The following GPC5 variants were observed in gnomAD, a reference collection of about 807,000 sequenced individuals.
The protein encoded by GPC5 is glypican 5, also known as glypican-5.
In GPC5, 47 loss-of-function variants were observed where a neutral mutation model predicts 53.9. That is an observed-to-expected ratio of 0.87 (90% CI 0.69 to 1.11). The LOEUF (loss-of-function observed/expected upper bound fraction) is 1.11. Among genes scored for constraint, GPC5 ranks in the 50% most tolerant of loss-of-function variants. The pLI, the probability that GPC5 is intolerant of heterozygous loss-of-function variation, is 0.00. For synonymous variants in GPC5, 286 were observed against 263.3 expected, an observed-to-expected ratio of 1.09 and a Z score of -0.84; for missense variants, 748 against 713.1, an observed-to-expected ratio of 1.05 and a Z score of -0.56.
intron 2 of GPC5, among the ~76,000 whole-genome samples, chr13:91,572,304 A>C (rs2031956744): frequency 7.0e-6 from 1 of 142,332 alleles, no homozygotes; most frequent in African/African-American, 2.7e-5. Flanking sequence ...TGTATATTTC[A>C]CTATAAAGTA....
chr13:92,850,410 GC>G (rs1878754578), intron 7 of GPC5, among the ~76,000 whole-genome samples: 1 of 152,122 alleles, frequency 6.6e-6, no homozygotes, highest in Non-Finnish European at 1.5e-5. Flanking sequence ...GACCAGCATG[GC>G]CAACATGGTG....
intron 5 of GPC5, among the ~76,000 whole-genome samples, chr13:91,863,449 C>T (rs2039051695): frequency 6.6e-6 from 1 of 152,130 alleles, no homozygotes; most frequent in South Asian, 2.1e-4. Context: ...ACTTTTAGCA[C>T]ATAGTACCTA....
chr13:91,847,564 A>ATCTT (rs2038866317), intron 5 of GPC5, among the ~76,000 whole-genome samples: 1 of 152,162 alleles, frequency 6.6e-6, no homozygotes, highest in South Asian at 2.1e-4. Context: ...ACTTGATGTA[A>ATCTT]TCTTTCTACT....
intron 1 of GPC5, among the ~76,000 whole-genome samples, chr13:91,405,162 A>G (rs906579587): frequency 6.6e-6 from 1 of 152,162 alleles, no homozygotes; most frequent in Non-Finnish European, 1.5e-5. Flanking sequence ...TACACAACTC[A>G]TGGCTTTGTA....
At chr13:92,391,740 A>G (rs1875012432) in intron 7 of GPC5, among the ~76,000 whole-genome samples, 1 of 152,168 alleles carries the variant, frequency 6.6e-6, no homozygotes, top group African/African-American at 2.4e-5. Flanking sequence ...AAAATTGGCC[A>G]ATTTTCTTCT....
intron 7 of GPC5, among the ~76,000 whole-genome samples, chr13:92,755,497 A>T (rs1350010607): frequency 6.6e-6 from 1 of 152,056 alleles, no homozygotes; most frequent in Non-Finnish European, 1.5e-5. Flanking sequence ...AACTGAAGGC[A>T]ATGGAGACAC....
intron 2 of GPC5, among the ~76,000 whole-genome samples, chr13:91,647,824 T>A (rs1326941412): frequency 1.3e-5 from 2 of 152,216 alleles, no homozygotes; most frequent in African/African-American, 4.8e-5. Context: ...AATAACATTC[T>A]TGCAAATTAG....
intron 7 of GPC5, among the ~76,000 whole-genome samples, chr13:92,512,234 ATG>A (rs1555339433): frequency 4.0e-4 from 60 of 148,784 alleles, no homozygotes; most frequent in African/African-American, 7.5e-4. Flanking sequence ...TGTAGATTGT[ATG>A]TGTGTGTGTG....
chr13:92,633,670 A>G (rs1594367940), intron 7 of GPC5, among the ~76,000 whole-genome samples: 1 of 152,152 alleles, frequency 6.6e-6, no homozygotes, highest in African/African-American at 2.4e-5. Flanking sequence ...AACTTCTTCA[A>G]TCCAAATTTA....
At chr13:91,428,863 G>A (rs1174507187) in intron 1 of GPC5, among the ~76,000 whole-genome samples, 1 of 151,936 alleles carries the variant, frequency 6.6e-6, no homozygotes, top group African/African-American at 2.4e-5. Context: ...AAAAAATCTT[G>A]TTTTACTTAT....
At chr13:92,634,428 G>T (rs1455174477) in intron 7 of GPC5, among the ~76,000 whole-genome samples, 6 of 151,914 alleles carry the variant, frequency 3.9e-5, no homozygotes, top group African/African-American at 1.4e-4. Flanking sequence ...TATTTATTTT[G>T]TCTTTATTCA....
At chr13:92,025,478 C>A (rs1348430228) in intron 6 of GPC5, among the ~76,000 whole-genome samples, 1 of 152,120 alleles carries the variant, frequency 6.6e-6, no homozygotes, top group East Asian at 1.9e-4. Context: ...TCCATCAGCT[C>A]ATAAGCAGAT....
At chr13:92,111,469 G>A (rs1427642508) in intron 6 of GPC5, among the ~76,000 whole-genome samples, 1 of 152,054 alleles carries the variant, frequency 6.6e-6, no homozygotes, top group African/African-American at 2.4e-5. Context: ...ACAAGATTCT[G>A]TAAATTGGAG....
intron 3 of GPC5, among the ~76,000 whole-genome samples, chr13:91,704,290 A>G (rs2036052625): frequency 1.3e-5 from 2 of 152,088 alleles, no homozygotes. Flanking sequence ...AGTCTATTTC[A>G]TCTAAGTACC....
intron 7 of GPC5, among the ~76,000 whole-genome samples, chr13:92,273,782 A>G (rs74869591): frequency 1.2e-3 from 184 of 152,302 alleles, no homozygotes; most frequent in East Asian, 0.011. Context: ...GTTCAGGGGA[A>G]ATAGTTACAA....
chr13:92,562,136 A>G (rs1222444918), intron 7 of GPC5, among the ~76,000 whole-genome samples: 4 of 152,066 alleles, frequency 2.6e-5, no homozygotes, highest in African/African-American at 9.7e-5. Context: ...ATAAGGTCCA[A>G]ACATGTAACA....
chr13:92,384,659 T>A (rs1414353670), intron 7 of GPC5, among the ~76,000 whole-genome samples: 1 of 151,580 alleles, frequency 6.6e-6, no homozygotes, highest in African/African-American at 2.4e-5. Flanking sequence ...GGGAATAAGG[T>A]AGCCTCACAT....
chr13:92,326,118 T>C (rs2043248923), intron 7 of GPC5, among the ~76,000 whole-genome samples: 2 of 152,080 alleles, frequency 1.3e-5, no homozygotes, highest in Non-Finnish European at 1.5e-5. Flanking sequence ...TGAAAAATAT[T>C]ATTTACTGTA....
intron 5 of GPC5, among the ~76,000 whole-genome samples, chr13:91,895,568 T>C (rs2039432607): frequency 6.6e-6 from 1 of 152,170 alleles, no homozygotes; most frequent in South Asian, 2.1e-4. Flanking sequence ...CCAGGCATAC[T>C]TGCATGAGAA....
Sources: allele counts gnomAD v4.1 joint callset (sites outside exome capture counted in the v4.1 genomes callset), GRCh38; gene constraint gnomAD v4.1.1; transcripts MANE v1.5; gene names NCBI Gene and HGNC (gene_info 2026-07-23, HGNC 2026-07-21).